Variants in LMX1A observed in about 807,000 individuals in gnomAD.
The protein encoded by LMX1A is LIM homeobox transcription factor 1 alpha.
A neutral mutation model predicts 49.1 loss-of-function variants in LMX1A; 15 were observed. The observed-to-expected ratio is 0.31, with a 90% CI of 0.20 to 0.47. The LOEUF (loss-of-function observed/expected upper bound fraction) is 0.47. Among genes scored for constraint, LMX1A ranks in the 20% least tolerant of loss-of-function variants. LMX1A has a pLI of 1.00. For missense variants in LMX1A, 372 were observed against 475.8 expected (o/e 0.78, Z 2.03); for synonymous variants, 167 against 185.7 (o/e 0.90, Z 0.82).
intron 3 of LMX1A, among the ~76,000 whole-genome samples, chr1:165,299,861 C>G (rs1259992250): frequency 6.6e-6 from 1 of 151,742 alleles, no homozygotes; most frequent in Non-Finnish European, 1.5e-5. Flanking sequence ...TTCTTCCTGA[C>G]CCCTTACTTT....
At chr1:165,292,192 G>A (rs1356159959) in intron 3 of LMX1A, among the ~76,000 whole-genome samples, 1 of 151,864 alleles carries the variant, frequency 6.6e-6, no homozygotes, top group African/African-American at 2.4e-5. Flanking sequence ...TGAACCAACA[G>A]TAAAAAGCAG....
At chr1:165,276,238 C>A in intron 3 of LMX1A, among the ~76,000 whole-genome samples, 1 of 152,144 alleles carries the variant, frequency 6.6e-6, no homozygotes, top group East Asian at 1.9e-4. Flanking sequence ...GCTCATTGAC[C>A]AATCAATTGA....
At chr1:165,226,156 C>T (rs911270065) in intron 4 of LMX1A, among the ~76,000 whole-genome samples, 3 of 152,172 alleles carry the variant, frequency 2.0e-5, no homozygotes, top group Non-Finnish European at 4.4e-5. Flanking sequence ...GGAAGTACAC[C>T]ACCAAGCACA....
intron 6 of LMX1A, among the ~76,000 whole-genome samples, chr1:165,208,642 T>C (rs1024656326): frequency 2.6e-5 from 4 of 152,006 alleles, no homozygotes; most frequent in African/African-American, 9.7e-5. Flanking sequence ...GAATAGTTTT[T>C]TATTTTTTAT....
chr1:165,226,551 A>G (rs1652041534), intron 4 of LMX1A, among the ~76,000 whole-genome samples: 1 of 152,196 alleles, frequency 6.6e-6, no homozygotes, highest in Non-Finnish European at 1.5e-5. Flanking sequence ...ATAGGGAAGC[A>G]CGGCAAACAA....
intron 3 of LMX1A, among the ~76,000 whole-genome samples, chr1:165,318,173 T>TTATG (rs1374017772): frequency 6.6e-6 from 1 of 152,254 alleles, no homozygotes; most frequent in Admixed American, 6.5e-5. Flanking sequence ...CCTGTTTACC[T>TTATG]TATGGTTCTG....
intron 3 of LMX1A, among the ~76,000 whole-genome samples, chr1:165,299,135 T>C (rs779098812): frequency 1.9e-4 from 29 of 152,368 alleles, no homozygotes; most frequent in Middle Eastern, 3.4e-3. Context: ...CAGCCCCAGA[T>C]GCCTGATTCT....
chr1:165,264,714 T>C (rs2101689297), intron 3 of LMX1A, among the ~76,000 whole-genome samples: 1 of 152,174 alleles, frequency 6.6e-6, no homozygotes, highest in South Asian at 2.1e-4. Flanking sequence ...CCCAGCACTT[T>C]AGGAGGCAGA....
intron 3 of LMX1A, among the ~76,000 whole-genome samples, chr1:165,284,001 A>T (rs539769473): frequency 9.2e-5 from 14 of 152,278 alleles, no homozygotes; most frequent in Admixed American, 3.9e-4. Flanking sequence ...ATTCCCCCTC[A>T]CCCCAACCTT....
chr1:165,293,122 AAAAACAAAAC>A (rs1321665532), intron 3 of LMX1A, among the ~76,000 whole-genome samples: 1 of 151,920 alleles, frequency 6.6e-6, no homozygotes, highest in African/African-American at 2.4e-5. Context: ...TCTCAAAAAA[AAAAACAAAAC>A]AAAACAAAAC....
chr1:165,350,006 G>A (rs1656371571), intron 3 of LMX1A, among the ~76,000 whole-genome samples: 1 of 152,020 alleles, frequency 6.6e-6, no homozygotes, highest in Non-Finnish European at 1.5e-5. Context: ...TAAATGTGTA[G>A]AAATAGCATT....
At chr1:165,208,039 G>T in intron 7 of LMX1A, 24 bp downstream of exon 7, 2 of 1,609,458 alleles carry the variant, frequency 1.2e-6, no homozygotes, top group Non-Finnish European at 1.7e-6. Flanking sequence ...AGCCAGAACT[G>T]CCTGGGAGGA....
chr1:165,257,441 A>G (rs910227492), intron 3 of LMX1A, among the ~76,000 whole-genome samples: 4 of 52,500 alleles, frequency 7.6e-5, no homozygotes, highest in African/African-American at 3.4e-4. Flanking sequence ...GGCAGGAGTT[A>G]AAAAAAAAAG....
intron 3 of LMX1A, among the ~76,000 whole-genome samples, chr1:165,324,224 G>C (rs762429550): frequency 2.0e-5 from 3 of 152,218 alleles, no homozygotes; most frequent in African/African-American, 7.2e-5. Context: ...ACTAGTCAGC[G>C]TGTGAAAACT....
intron 3 of LMX1A, among the ~76,000 whole-genome samples, chr1:165,283,326 CA>C (rs1654207131): frequency 6.6e-6 from 1 of 152,202 alleles, no homozygotes; most frequent in Non-Finnish European, 1.5e-5. Context: ...TGAGTAAGTA[CA>C]ATCTGTGATG....
intron 3 of LMX1A, among the ~76,000 whole-genome samples, chr1:165,333,085 A>T (rs769577254): frequency 1.8e-4 from 27 of 152,336 alleles, no homozygotes; most frequent in Non-Finnish European, 2.6e-4. Flanking sequence ...GGTGATAATT[A>T]CATGATACAG....
intron 3 of LMX1A, among the ~76,000 whole-genome samples, chr1:165,269,028 G>T (rs1454926290): frequency 1.3e-5 from 2 of 152,104 alleles, no homozygotes. Context: ...CTCATCCCTG[G>T]CTAAGCCTCC....
intron 3 of LMX1A, among the ~76,000 whole-genome samples, chr1:165,346,777 T>A (rs1656258480): frequency 1.3e-5 from 2 of 152,236 alleles, no homozygotes; most frequent in African/African-American, 2.4e-5. Flanking sequence ...TTTTCAGTAG[T>A]GTGAAAACAA....
chr1:165,220,617 G>A (rs745541322), intron 4 of LMX1A, among the ~76,000 whole-genome samples: 17 of 152,206 alleles, frequency 1.1e-4, no homozygotes, highest in Non-Finnish European at 1.9e-4. Flanking sequence ...CTACTTCCAG[G>A]ACCAGGCCCA....
Sources: gnomAD v4.1 joint callset for allele counts (sites outside exome capture counted in the v4.1 genomes callset) on GRCh38, gnomAD v4.1.1 for gene constraint, MANE v1.5 for transcripts, NCBI Gene and HGNC (gene_info 2026-07-23, HGNC 2026-07-21) for gene names.